Variants in METTL23 observed in about 807,000 individuals in gnomAD.
METTL23 encodes histone-arginine methyltransferase METTL23.
METTL23 carries 24 observed loss-of-function variants against 21.2 expected under a neutral mutation model. The observed-to-expected ratio is 1.13, with a 90% CI of 0.82 to 1.59. The LOEUF is 1.59. Ranked by LOEUF, METTL23 falls within the 40% of genes most tolerant of loss-of-function variation. METTL23 has a pLI of 0.00. For synonymous variants in METTL23, 97 were observed against 75.2 expected (o/e 1.29, Z -1.50); for missense variants, 276 against 221.4 (o/e 1.25, Z -1.57).
At chr17:76,732,618 GGA>G (rs986093658) in intron 2 of METTL23, 2 of 259,556 alleles carry the variant, frequency 7.7e-6, no homozygotes, top group Non-Finnish European at 1.5e-5. Flanking sequence ...ACTCCAGCCT[GGA>G]GAACAGAGCA....
chr17:76,732,058 T>C (rs1024866456), intron 2 of METTL23, among the ~76,000 whole-genome samples: 1 of 152,222 alleles, frequency 6.6e-6, no homozygotes, highest in South Asian at 2.1e-4. Flanking sequence ...TAGAACATGC[T>C]AACAGAAGTG....
Position 76,729,749 on chromosome 17 carries a change from C to G in METTL23, c.39C>G (p.Tyr13Ter), listed in dbSNP as rs896974820. Residue 13 changes from tyrosine (Y) to a stop codon, truncating the protein, a stop_gained, in exon 2 of 5, where the codon TAC becomes TAG. Transcript: ENST00000341249. LOFTEE classifies it high-confidence loss of function. ...CCTGTGCTGTGGTCCTGGCCCAGTA[C>G]CTTTGGTTTCACAGAAGATCTCTGC... ...VWPCAVVLAQ[Y>*]LWFHRRSLPG... 1.2e-6 allele frequency: 2 copies of G among 1,600,034 alleles called. No individual in the cohort carries two copies. Among genetic ancestry groups the G allele is most frequent in the African/African-American group, 1.3e-5 (1 of 74,774 alleles).
At chr17:76,729,639 C>A in intron 1 of METTL23, 51 bp from the exon 2 acceptor site, 2 of 1,303,206 alleles carry the variant, frequency 1.5e-6, no homozygotes, top group Non-Finnish European at 2.2e-6. Context: ...ATGAATGATT[C>A]CAACTTCCAG....
chr17:76,729,581 G>T, intron 1 of METTL23, 109 bp from the exon 2 acceptor site: 3 of 711,426 alleles, frequency 4.2e-6, no homozygotes, highest in Non-Finnish European at 7.4e-6. Flanking sequence ...TTGGTGAACA[G>T]GGCTGCCATT....
rs543434779 is a variant in METTL23 at position 76,731,556 on chromosome 17, G to A, written c.85-1422G>A. ...AATTTTGGGTGAACACATTCAGACC[G>A]TAGTGTAGCCCTTTCTGTTTTTGGA... On this transcript the variant is annotated intron_variant, in intron 2 of 4. Transcript: ENST00000341249. Among the ~76,000 whole-genome samples the A allele has an allele frequency of 2.6e-3, 401 of 152,322 alleles. 1 individual carries two copies. The highest frequency in any genetic ancestry group is 8.5e-3 in the South Asian group (41 of 4,828).
chr17:76,731,895 G>C (rs1253367894), intron 2 of METTL23, among the ~76,000 whole-genome samples: 2 of 152,182 alleles, frequency 1.3e-5, no homozygotes, highest in Non-Finnish European at 2.9e-5. Context: ...TGGGAAGCTT[G>C]TGTTTATGCT....
intron 4 of METTL23, 62 bp downstream of exon 4, chr17:76,733,439 C>T (rs147486252): frequency 3.2e-5 from 51 of 1,594,632 alleles, no homozygotes; most frequent in Middle Eastern, 1.7e-4. Context: ...CCTACCCATG[C>T]GATACATAAT....
At chr17:76,732,652 AAAC>A (rs1284340635) in intron 2 of METTL23, 11 of 343,288 alleles carry the variant, frequency 3.2e-5, no homozygotes, top group Admixed American at 1.3e-4. Flanking sequence ...CAAAAAAATA[AAAC>A]AAAACTGAAA....
At chr17:76,726,511 G>T, upstream of METTL23, 1 of 1,570,046 alleles carries the variant, frequency 6.4e-7, no homozygotes, top group Non-Finnish European at 8.6e-7. Context: ...CTACGACCTC[G>T]GCGCAGCCCG....
At chr17:76,726,572 T>C (rs2143762632), upstream of METTL23, 1 of 1,445,686 alleles carries the variant, frequency 6.9e-7, no homozygotes. Flanking sequence ...GCGACGGCAG[T>C]ACCCAAACGC....
Position 76,726,887 on chromosome 17 carries a change from T to C in METTL23, c.-313T>C, listed in dbSNP as rs1204551603. On this transcript the variant is annotated 5_prime_UTR_variant, in exon 1 of 5. Coordinates refer to ENST00000341249, the MANE Select transcript of METTL23 (RefSeq NM_001080510.5). ...GTTGCCAGTTCTGCGCGTGTGAGTC[T>C]CTTTCGCCTTGCTCCGGGCTTTCTT... 2.2e-6 allele frequency: 1 copy of C among 447,722 alleles called. No individual in the cohort carries two copies. The highest frequency in any genetic ancestry group is 4.6e-6 in the Non-Finnish European group (1 of 219,598). 27.7% of individuals were successfully genotyped at this position (447,722 alleles called of 1,614,324 possible).
At chr17:76,726,223 G>C, upstream of METTL23, 3 of 1,295,472 alleles carry the variant, frequency 2.3e-6, no homozygotes, top group Non-Finnish European at 3.0e-6. Flanking sequence ...ACTCCGCGGG[G>C]TGCGGGTGAG....
At position 76,733,509 on chromosome 17, in the gene METTL23, T is replaced by TG. The variant is rs1412492908; in HGVS notation, c.408-12_408-11insG. 4.4e-6 allele frequency: 7 copies of TG among 1,597,434 alleles called. No individual in the cohort carries two copies. The highest frequency in any genetic ancestry group is 3.3e-4 in the Middle Eastern group (2 of 5,982). On this transcript the variant is annotated splice_polypyrimidine_tract_variant and intron_variant, in intron 4 of 4. Transcript: ENST00000341249. ...AGGCATGACTTTAAAAGAACAACTT[T>TG]TTTTTTTTAAGTGCTGACTGGTCAC...
rs1486278110 is a variant in METTL23 at position 76,733,088 on chromosome 17, C to A, written c.195C>A (p.Ser65Arg). ...LPHCLEVCRQ[S>R]CQMNNLPHLQ... ...ACTGTCTGGAAGTCTGTCGGCAAAG[C>A]TGCCAAATGAATAACCTGCCACATC... The change falls in exon 3 of 5, where the codon AGC becomes AGA. Residue 65 changes from serine (S) to arginine (R), a missense_variant. Transcript: ENST00000341249. 2 of 1,611,866 alleles carry A rather than the reference C, an allele frequency of 1.2e-6. No homozygotes were observed. The highest frequency in any genetic ancestry group is 1.7e-5 in the Admixed American group (1 of 59,610).
intron 2 of METTL23, among the ~76,000 whole-genome samples, chr17:76,730,969 G>C (rs1335403699): frequency 6.6e-6 from 1 of 152,252 alleles, no homozygotes; most frequent in Non-Finnish European, 1.5e-5. Context: ...GCCGGGCCTG[G>C]TGGCGGGCGC....
upstream of METTL23, chr17:76,726,382 A>T: frequency 1.9e-6 from 3 of 1,602,670 alleles, no homozygotes; most frequent in Non-Finnish European, 2.6e-6. Context: ...AAGCTCTCGT[A>T]GTAGTTGTGC....
At chr17:76,726,573 AC>A (rs1236302592), upstream of METTL23, 4 of 1,445,378 alleles carry the variant, frequency 2.8e-6, no homozygotes, top group African/African-American at 3.0e-5. Context: ...CGACGGCAGT[AC>A]CCAAACGCCC....
chr17:76,730,711 T>C (rs1439762482), intron 2 of METTL23, among the ~76,000 whole-genome samples: 1 of 152,240 alleles, frequency 6.6e-6, no homozygotes, highest in Non-Finnish European at 1.5e-5. Context: ...CCCATGCCTG[T>C]AATCCCAGCA....
chr17:76,733,320 A>G lies in METTL23; in HGVS notation c.350A>G (p.Tyr117Cys), dbSNP rs1433157586. The change falls in exon 4 of 5, where the codon TAT becomes TGT. Residue 117 changes from tyrosine to cysteine, a missense_variant. By Grantham distance (194) the Tyr-to-Cys change is radical (BLOSUM62 -2). Transcript: ENST00000341249. ...TTTGAAGACATTTTGGCTACAATAT[A>G]TTTTTTGATGCACAAGAATCCCAAG... Reference protein sequence around the residue: ...EDFEDILATIYFLMHKNPKVQ... With the variant: ...EDFEDILATICFLMHKNPKVQ... 4 of 1,613,946 alleles carry G rather than the reference A, an allele frequency of 2.5e-6. No individual in the cohort carries two copies. Among genetic ancestry groups the G allele is most frequent in the Non-Finnish European group, 3.4e-6 (4 of 1,179,868 alleles).
Sources: allele counts gnomAD v4.1 joint callset (sites outside exome capture counted in the v4.1 genomes callset), GRCh38; gene constraint gnomAD v4.1.1; transcripts MANE v1.5; gene names NCBI Gene and HGNC (gene_info 2026-07-23, HGNC 2026-07-21).